KCNK2: variants seen among roughly 807,000 people sequenced by gnomAD.
The protein encoded by KCNK2 is potassium two pore domain channel subfamily K member 2, also known as potassium channel subfamily K member 2.
Under a neutral mutation model 40.5 loss-of-function variants are expected in KCNK2, and 21 were observed. The observed-to-expected ratio is 0.52, with a 90% CI of 0.37 to 0.75. KCNK2 has a LOEUF of 0.75. Ranked by LOEUF, KCNK2 falls within the 30% of genes least tolerant of loss-of-function variation. The pLI is 0.00. For synonymous variants in KCNK2, 191 were observed against 202.2 expected (o/e 0.94, Z 0.47); for missense variants, 399 against 531.6 (o/e 0.75, Z 2.45).
At chr1:215,183,721 G>A (rs952562402) in intron 5 of KCNK2, among the ~76,000 whole-genome samples, 1 of 152,144 alleles carries the variant, frequency 6.6e-6, no homozygotes, top group Non-Finnish European at 1.5e-5. Flanking sequence ...TAAAAACATG[G>A]TAAAAATTAG....
intron 1 of KCNK2, 117 bp from the exon 2 acceptor site, chr1:215,086,251 C>T: frequency 1.2e-6 from 1 of 800,454 alleles, no homozygotes; most frequent in Non-Finnish European, 2.0e-6. Context: ...GGTTCCAGAG[C>T]TTCCACTAGG....
intron 6 of KCNK2, among the ~76,000 whole-genome samples, chr1:215,207,603 G>A (rs1665371125): frequency 6.6e-6 from 1 of 152,138 alleles, no homozygotes; most frequent in Non-Finnish European, 1.5e-5. Context: ...GAGTAAACAA[G>A]CAAATAAATA....
At chr1:215,213,808 G>A (rs1262656514) in intron 6 of KCNK2, among the ~76,000 whole-genome samples, 1 of 151,974 alleles carries the variant, frequency 6.6e-6, no homozygotes, top group Non-Finnish European at 1.5e-5. Context: ...ATCAACCCAA[G>A]GATTTATGAT....
chr1:215,188,438 A>G (rs1664539144), intron 5 of KCNK2, among the ~76,000 whole-genome samples: 2 of 152,192 alleles, frequency 1.3e-5, no homozygotes, highest in South Asian at 4.1e-4. Context: ...ACATTTTCAA[A>G]GTCATTATTG....
At chr1:215,064,852 G>T (rs1378746783) in intron 1 of KCNK2, among the ~76,000 whole-genome samples, 1 of 152,116 alleles carries the variant, frequency 6.6e-6, no homozygotes, top group Admixed American at 6.6e-5. Flanking sequence ...AAACAGAAAA[G>T]ATTCTAACTT....
At chr1:215,150,750 A>C (rs1662652066) in intron 3 of KCNK2, among the ~76,000 whole-genome samples, 1 of 151,538 alleles carries the variant, frequency 6.6e-6, no homozygotes, top group African/African-American at 2.4e-5. Flanking sequence ...TCATCTTCCA[A>C]TTTTCTTTAT....
intron 2 of KCNK2, among the ~76,000 whole-genome samples, chr1:215,122,132 GTA>G (rs1197306411): frequency 1.3e-5 from 2 of 152,030 alleles, no homozygotes; most frequent in Non-Finnish European, 2.9e-5. Context: ...GATCTATATG[GTA>G]TATATAATCA....
At chr1:215,139,864 T>C (rs1190258029) in intron 3 of KCNK2, among the ~76,000 whole-genome samples, 2 of 152,198 alleles carry the variant, frequency 1.3e-5, no homozygotes, top group East Asian at 3.8e-4. Flanking sequence ...TCTTTTCTCA[T>C]ATATGGTAAT....
At chr1:215,207,698 C>CAAGT (rs1665376098) in intron 6 of KCNK2, among the ~76,000 whole-genome samples, 1 of 152,162 alleles carries the variant, frequency 6.6e-6, no homozygotes, top group Non-Finnish European at 1.5e-5. Context: ...TCCAGCATAT[C>CAAGT]AAGTTATTTT....
intron 5 of KCNK2, among the ~76,000 whole-genome samples, chr1:215,184,948 T>TCACA (rs1225551503): frequency 6.6e-6 from 1 of 152,202 alleles, no homozygotes; most frequent in Non-Finnish European, 1.5e-5. Context: ...GTGACCATTG[T>TCACA]ATAAACCAGC....
At chr1:215,210,006 TATATAA>T (rs1665650108) in intron 6 of KCNK2, among the ~76,000 whole-genome samples, 6 of 78,600 alleles carry the variant, frequency 7.6e-5, no homozygotes, top group Admixed American at 1.9e-4. Context: ...ATATATATTA[TATATAA>T]TATATAATAT....
At chr1:215,042,742 G>C (rs956137223) in intron 1 of KCNK2, among the ~76,000 whole-genome samples, 1 of 151,972 alleles carries the variant, frequency 6.6e-6, no homozygotes, top group Non-Finnish European at 1.5e-5. Flanking sequence ...TAAACCTCTT[G>C]GGTTGATGTA....
intron 6 of KCNK2, among the ~76,000 whole-genome samples, chr1:215,222,413 C>T (rs905746911): frequency 6.6e-6 from 1 of 152,072 alleles, no homozygotes; most frequent in African/African-American, 2.4e-5. Flanking sequence ...GATTTTGCAG[C>T]CACACCTCAT....
At chr1:215,180,688 C>T (rs1316157694) in intron 5 of KCNK2, among the ~76,000 whole-genome samples, 5 of 152,060 alleles carry the variant, frequency 3.3e-5, no homozygotes, top group African/African-American at 1.2e-4. Flanking sequence ...AAAAAAACCC[C>T]AGTCTCTCCT....
At chr1:215,094,239 G>C (rs904795214) in intron 2 of KCNK2, among the ~76,000 whole-genome samples, 7 of 151,516 alleles carry the variant, frequency 4.6e-5, no homozygotes, top group Non-Finnish European at 8.8e-5. Context: ...AAAACTTTTT[G>C]TACCTAATTA....
At chr1:215,092,336 G>T (rs1339534429) in intron 2 of KCNK2, among the ~76,000 whole-genome samples, 1 of 152,174 alleles carries the variant, frequency 6.6e-6, no homozygotes. Context: ...AAGAAGAACT[G>T]GTTTTGGGCA....
At chr1:215,023,751 A>C (rs539297243) in intron 1 of KCNK2, among the ~76,000 whole-genome samples, 2 of 152,360 alleles carry the variant, frequency 1.3e-5, no homozygotes, top group South Asian at 4.1e-4. Flanking sequence ...TTGGGTTTGC[A>C]AAACACTTGG....
chr1:215,113,144 G>A (rs1203951583), intron 2 of KCNK2, among the ~76,000 whole-genome samples: 1 of 152,102 alleles, frequency 6.6e-6, no homozygotes, highest in Non-Finnish European at 1.5e-5. Flanking sequence ...TGACTATTTA[G>A]AATGCATCAT....
Position 215,169,350 on chromosome 1 carries a change from T to TA in KCNK2, c.628dup (p.Thr210AsnfsTer4). Reference sequence around the variant, plus strand: ...GAAAAGGAATTGCCAAAGTGGAAGATACGTTTATTGTGAGTATGATAGATA... The same window carrying TA: ...GAAAAGGAATTGCCAAAGTGGAAGATAACGTTTATTGTGAGTATGATAGATA... On this transcript the variant is annotated frameshift_variant, in exon 4 of 7. Transcript: ENST00000444842. LOFTEE classifies it high-confidence loss of function. 1 of 1,609,794 alleles carries TA rather than the reference T, an allele frequency of 6.2e-7. No homozygotes were observed. The highest frequency in any genetic ancestry group is 8.5e-7 in the Non-Finnish European group (1 of 1,177,340).
Sources: gnomAD v4.1 joint callset for allele counts (sites outside exome capture counted in the v4.1 genomes callset) on GRCh38, gnomAD v4.1.1 for gene constraint, MANE v1.5 for transcripts, NCBI Gene and HGNC (gene_info 2026-07-23, HGNC 2026-07-21) for gene names.